The following MITF variants were observed in gnomAD, a reference collection of about 807,000 sequenced individuals.
The protein encoded by MITF is microphthalmia-associated transcription factor.
Under a neutral mutation model 60.5 loss-of-function variants are expected in MITF, and 17 were observed. That is an observed-to-expected ratio of 0.28 (90% CI 0.19 to 0.42). MITF has a LOEUF of 0.42. Among genes scored for constraint, MITF ranks in the 10% least tolerant of loss-of-function variants. The pLI is 1.00. For missense variants in MITF, 622 were observed against 683.5 expected, an observed-to-expected ratio of 0.91 and a Z score of 1.00; for synonymous variants, 260 against 248.5, an observed-to-expected ratio of 1.05 and a Z score of -0.43.
chr3:69,875,671 A>G (rs1288732286), intron 1 of MITF, among the ~76,000 whole-genome samples: 1 of 152,260 alleles, frequency 6.6e-6, no homozygotes, highest in African/African-American at 2.4e-5. Flanking sequence ...CATTGTTGCC[A>G]CTTGTAATGT....
intron 1 of MITF, among the ~76,000 whole-genome samples, chr3:69,862,451 T>G (rs1362546502): frequency 6.6e-6 from 1 of 152,198 alleles, no homozygotes; most frequent in Non-Finnish European, 1.5e-5. Context: ...ATGAGTTTAC[T>G]GGAAAGAAAA....
In MITF at chr3:69,965,349, A is replaced by G; in HGVS notation, c.*101A>G. On this transcript the variant is annotated 3_prime_UTR_variant, in exon 10 of 10. Transcript: ENST00000352241. ...GTTTTCTTGATAATTTTCCTTTAAT[A>G]TGAAATTTTTTTTCATGCTTTATCA... 2 of 1,371,272 alleles carry G rather than the reference A, an allele frequency of 1.5e-6. No homozygotes were observed. Among genetic ancestry groups the G allele is most frequent in the Non-Finnish European group, 2.0e-6 (2 of 1,000,006 alleles). 84.9% of individuals were successfully genotyped at this position (1,371,272 alleles called of 1,614,324 possible). A position where few individuals can be genotyped will look rare whatever the true frequency, so the allele number is the denominator to read the frequency against.
intron 1 of MITF, among the ~76,000 whole-genome samples, chr3:69,767,570 G>A (rs573634929): frequency 7.2e-4 from 109 of 152,194 alleles, no homozygotes; most frequent in African/African-American, 2.6e-3. Flanking sequence ...GGGCAACAGA[G>A]CAAGACTCCA....
chr3:69,865,262 A>G (rs1385344982), intron 1 of MITF, among the ~76,000 whole-genome samples: 1 of 152,200 alleles, frequency 6.6e-6, no homozygotes, highest in East Asian at 1.9e-4. Context: ...TTTTCCAACC[A>G]TTTACTTTGG....
At chr3:69,902,819 G>A (rs994247624) in intron 2 of MITF, among the ~76,000 whole-genome samples, 2 of 151,734 alleles carry the variant, frequency 1.3e-5, no homozygotes, top group Non-Finnish European at 2.9e-5. Context: ...TGATATTTAG[G>A]GAAGTACCTC....
Position 69,938,609 on chromosome 3 carries a change from C to T in MITF, c.583-489C>T. 3.7e-6 allele frequency: 5 copies of T among 1,352,498 alleles called. No individual in the cohort carries two copies. The South Asian group carries it at 1.0e-4, about 27-fold the overall frequency. 83.8% of individuals were successfully genotyped at this position (1,352,498 alleles called of 1,614,324 possible). A position where few individuals can be genotyped will look rare whatever the true frequency, so the allele number is the denominator to read the frequency against. On this transcript the variant is annotated intron_variant, in intron 3 of 9. Coordinates refer to ENST00000352241, the MANE Select transcript of MITF (RefSeq NM_001354604.2). ...ACATTCTGTTTCATAATAAAATTGC[C>T]ACTGCCCGTTAAATCTGCTTTGGTG...
At chr3:69,826,940 C>G (rs1157956398) in intron 1 of MITF, among the ~76,000 whole-genome samples, 1 of 152,112 alleles carries the variant, frequency 6.6e-6, no homozygotes, top group Non-Finnish European at 1.5e-5. Flanking sequence ...CTTTCCCTTC[C>G]TCTCTGCCAC....
intron 1 of MITF, among the ~76,000 whole-genome samples, chr3:69,755,437 T>G (rs899963059): frequency 3.0e-5 from 1 of 32,834 alleles, no homozygotes; most frequent in African/African-American, 8.9e-5. Flanking sequence ...TTCTGGGTTT[T>G]TTTTTTTTTT....
Position 69,918,896 on chromosome 3 carries a change from T to TTG in MITF, c.355-18924_355-18923dup, listed in dbSNP as rs1388754744. The stretch of plus-strand genomic sequence containing the variant: ...TTTTGAATATGGAAAATGGCATGGC[T>TTG]TGTTGTTAAGTAAATAATCATGTTC... On this transcript the variant is annotated intron_variant, in intron 2 of 9. Coordinates refer to ENST00000352241, the MANE Select transcript of MITF (RefSeq NM_001354604.2). Among the ~76,000 whole-genome samples, 3 of 152,326 alleles carry TTG rather than the reference T, an allele frequency of 2.0e-5. No homozygotes were observed. The South Asian group carries it at 6.2e-4, about 32-fold the overall frequency.
At chr3:69,824,809 C>A (rs1416794021) in intron 1 of MITF, among the ~76,000 whole-genome samples, 1 of 152,184 alleles carries the variant, frequency 6.6e-6, no homozygotes, top group East Asian at 1.9e-4. Context: ...TAGCAGGGTG[C>A]CTCTGGTGGG....
At chr3:69,831,031 C>T (rs2063438388) in intron 1 of MITF, among the ~76,000 whole-genome samples, 1 of 152,140 alleles carries the variant, frequency 6.6e-6, no homozygotes, top group South Asian at 2.1e-4. Flanking sequence ...CCCTCAGTTT[C>T]CTCATCTTGT....
At chr3:69,943,637 A>G (rs1005162020) in intron 5 of MITF, among the ~76,000 whole-genome samples, 10 of 152,140 alleles carry the variant, frequency 6.6e-5, no homozygotes, top group Admixed American at 1.3e-4. Context: ...ATCAAGCTCT[A>G]TGTTAGCTAT....
chr3:69,831,494 T>C (rs560192442), intron 1 of MITF, among the ~76,000 whole-genome samples: 1 of 152,184 alleles, frequency 6.6e-6, no homozygotes, highest in Non-Finnish European at 1.5e-5. Flanking sequence ...TGCAATTTTT[T>C]TGTTTGACTA....
At chr3:69,940,624 G>A (rs925829331) in intron 4 of MITF, among the ~76,000 whole-genome samples, 11 of 152,194 alleles carry the variant, frequency 7.2e-5, no homozygotes, top group African/African-American at 2.4e-4. Context: ...TGTAAGATGG[G>A]TGCAGGGATA....
chr3:69,909,781 AT>A (rs2065183308), intron 2 of MITF, among the ~76,000 whole-genome samples: 1 of 152,208 alleles, frequency 6.6e-6, no homozygotes, highest in African/African-American at 2.4e-5. Context: ...GCAGCAAAGT[AT>A]TCAAAAGGTG....
At chr3:69,846,061 G>A (rs1027569820) in intron 1 of MITF, among the ~76,000 whole-genome samples, 1 of 151,816 alleles carries the variant, frequency 6.6e-6, no homozygotes, top group African/African-American at 2.4e-5. Context: ...GTTGGTAAGT[G>A]CTATAAAGAA....
At chr3:69,910,277 CAGA>C (rs1435844258) in intron 2 of MITF, among the ~76,000 whole-genome samples, 2 of 152,212 alleles carry the variant, frequency 1.3e-5, no homozygotes, top group East Asian at 1.9e-4. Flanking sequence ...GTCCAGATTT[CAGA>C]AGATGTATGG....
intron 1 of MITF, chr3:69,764,024 G>A (rs535026664): frequency 1.0e-4 from 112 of 1,106,078 alleles, no homozygotes; most frequent in Middle Eastern, 4.9e-4. Flanking sequence ...TCTTTATATC[G>A]TATGAAATCT....
At chr3:69,827,994 T>C (rs1234920922) in intron 1 of MITF, among the ~76,000 whole-genome samples, 1 of 152,170 alleles carries the variant, frequency 6.6e-6, no homozygotes, top group African/African-American at 2.4e-5. Context: ...AAAGTAAGAG[T>C]TGACTTCTGC....
Sources: gnomAD v4.1 joint callset for allele counts (sites outside exome capture counted in the v4.1 genomes callset) on GRCh38, gnomAD v4.1.1 for gene constraint, MANE v1.5 for transcripts, NCBI Gene and HGNC (gene_info 2026-07-23, HGNC 2026-07-21) for gene names.